SUPT6H: variants seen among roughly 807,000 people sequenced by gnomAD.
SUPT6H encodes the protein transcription elongation factor SPT6.
SUPT6H carries 11 observed loss-of-function variants against 222.3 expected under a neutral mutation model. The ratio of observed to expected loss-of-function variants is 0.05; its 90% CI spans 0.03 to 0.08. SUPT6H has a LOEUF of 0.08. SUPT6H is among the 10% of genes least tolerant of loss of function. SUPT6H has a pLI of 1.00. For synonymous variants in SUPT6H, 762 were observed against 801.2 expected (o/e 0.95, Z 0.83); for missense variants, 1,422 against 2,216.0 (o/e 0.64, Z 7.19).
At position 28,683,768 on chromosome 17, in the gene SUPT6H, A is replaced by G. The variant is rs1475769730; in HGVS notation, c.2181A>G (p.Lys727=). Residue 727 remains lysine, a synonymous_variant, in exon 17 of 37, where the codon AAA becomes AAG. Coordinates refer to ENST00000314616, the MANE Select transcript of SUPT6H (RefSeq NM_003170.5). ...LQQFLYVQMA[K]ELKNKLLAEA... is the part of the protein sequence containing the mutation. ...AGTTCCTCTATGTGCAGATGGCCAA[A>G]GAACTCAAGAACAAGCTGCTGGCTG... 6.2e-7 allele frequency: 1 copy of G among 1,614,084 alleles called. No homozygotes were observed. The highest frequency in any genetic ancestry group is 1.1e-5 in the South Asian group (1 of 91,074).
At chr17:28,693,000 CAAA>C (rs1249471749) in intron 27 of SUPT6H, among the ~76,000 whole-genome samples, 12 of 84,404 alleles carry the variant, frequency 1.4e-4, no homozygotes, top group Admixed American at 3.9e-4. Flanking sequence ...GACTCTGTCT[CAAA>C]AAAAAAAAAA....
chr17:28,668,151 C>A (rs1036001988), intron 1 of SUPT6H, among the ~76,000 whole-genome samples: 1 of 152,198 alleles, frequency 6.6e-6, no homozygotes, highest in Non-Finnish European at 1.5e-5. Flanking sequence ...GTGCTTCTGA[C>A]TAGAGAAACC....
chr17:28,701,555 C>T lies in SUPT6H; in HGVS notation c.5111C>T (p.Pro1704Leu). ...CTGACACCTCGGCCCTCCCCCAGCC[C>T]CATGATCGAAAGCACCCCCATGTCC... Reference protein sequence around the residue: ...QRLTPRPSPSPMIESTPMSIA... With the variant: ...QRLTPRPSPSLMIESTPMSIA... Residue 1704 changes from proline (P) to leucine (L), a missense_variant, in exon 37 of 37, where the codon CCC becomes CTC. Pro to Leu is a moderately conservative substitution (Grantham distance 98). This residue lies in a region of SUPT6H where 395 missense variants were observed against 580.6 expected (regional missense o/e 0.68). Coordinates refer to ENST00000314616, the MANE Select transcript of SUPT6H (RefSeq NM_003170.5). 1 of 1,614,154 alleles carries T rather than the reference C, an allele frequency of 6.2e-7. No homozygotes were observed. The highest frequency in any genetic ancestry group is 2.2e-5 in the East Asian group (1 of 44,884).
rs766900498 is a variant in SUPT6H, at chr17:28,701,027, C to A, written c.4893C>A (p.Thr1631=). Residue 1631 remains threonine, a synonymous_variant, in exon 36 of 37, where the codon ACC becomes ACA. Coordinates refer to ENST00000314616, the MANE Select transcript of SUPT6H (RefSeq NM_003170.5). ...YSYTTPSQPI[T]TPQYHQLQAS... is the part of the protein sequence containing the mutation. ...ACACGACCCCAAGCCAGCCCATCAC[C>A]ACCCCTCAGTACCACCAGCTCCAGG... The A allele has an allele frequency of 1.2e-6, 2 of 1,614,192 alleles. No individual in the cohort carries two copies. The highest frequency in any genetic ancestry group is 2.7e-5 in the African/African-American group (2 of 75,066).
At position 28,681,995 on chromosome 17, in the gene SUPT6H, C is replaced by T. The variant is rs774992566; in HGVS notation, c.1597+15C>T. On this transcript the variant is annotated intron_variant, in intron 13 of 36. Coordinates refer to ENST00000314616, the MANE Select transcript of SUPT6H (RefSeq NM_003170.5). ...TGCTGGGCTAGGTAAAAGCTAGCTG[C>T]TTTGGGATTTAGGCATTCTAGCCTG... 2.2e-5 allele frequency: 35 copies of T among 1,589,858 alleles called. 1 individual carries two copies. The South Asian group carries it at 3.6e-4, about 16-fold the overall frequency.
rs1035818775 is a variant in SUPT6H at position 28,688,038 on chromosome 17, T to C, written c.3007-53T>C. ...GGGTTTAATAGAGACTGGAACAGTCTGGGGAGGTGGGGCCTGCTTACTGCC... is the reference window on the plus strand; with the variant it reads ...GGGTTTAATAGAGACTGGAACAGTCCGGGGAGGTGGGGCCTGCTTACTGCC... On this transcript the variant is annotated intron_variant, in intron 23 of 36. Coordinates refer to ENST00000314616, the MANE Select transcript of SUPT6H (RefSeq NM_003170.5). This position sits in a 1 kb window ranked among gnomAD's most constrained non-coding sequence, Gnocchi z 4.3. 5.7e-5 allele frequency: 88 copies of C among 1,541,142 alleles called. No individual in the cohort carries two copies. Among genetic ancestry groups the C allele is most frequent in the Non-Finnish European group, 7.5e-5 (86 of 1,141,758 alleles).
At chr17:28,696,790 C>A in intron 29 of SUPT6H, 54 bp from the exon 30 acceptor site, 1 of 1,520,850 alleles carries the variant, frequency 6.6e-7, no homozygotes, top group Admixed American at 1.7e-5. Context: ...TGTCCTGTTG[C>A]TGCCAGCTCC....
intron 26 of SUPT6H, among the ~76,000 whole-genome samples, chr17:28,690,494 G>T (rs747866387): frequency 6.6e-6 from 1 of 152,220 alleles, no homozygotes; most frequent in African/African-American, 2.4e-5. Context: ...CAGGGGAACG[G>T]CCAGGCACAG....
chr17:28,686,299 A>G (rs1234355668), intron 19 of SUPT6H, 40 bp from the exon 20 acceptor site: 1 of 1,574,402 alleles, frequency 6.4e-7, no homozygotes, highest in African/African-American at 1.4e-5. Flanking sequence ...AAATCTTTAC[A>G]TCCTCAGAGC....
In SUPT6H at chr17:28,687,381, T is replaced by C. The variant is rs1389379570; in HGVS notation, c.2916T>C (p.Asp972=). 3 of 1,614,090 alleles carry C rather than the reference T, an allele frequency of 1.9e-6. No homozygotes were observed. Among genetic ancestry groups the C allele is most frequent in the Admixed American group, 1.7e-5 (1 of 60,000 alleles). The change falls in exon 23 of 37, where the codon GAT becomes GAC. Residue 972 remains aspartate (D), a synonymous_variant. Coordinates refer to ENST00000314616, the MANE Select transcript of SUPT6H (RefSeq NM_003170.5). ...FINRVNEVGV[D]VNRAIAHPYS... is the part of the protein sequence containing the mutation. ...ACCGAGTCAATGAGGTCGGGGTCGA[T>C]GTCAACCGTGCCATTGCCCACCCTT...
chr17:28,685,665 G>T (rs1243545472), intron 19 of SUPT6H, among the ~76,000 whole-genome samples: 1 of 152,048 alleles, frequency 6.6e-6, no homozygotes, highest in African/African-American at 2.4e-5. Flanking sequence ...TGTATTTTTT[G>T]TAGAGACACG....
chr17:28,686,639 C>T lies in SUPT6H; in HGVS notation c.2565-15C>T, dbSNP rs2031394036. ...CTAAGAAAACATATTCATTGACCAACACTCATCCCACCAGGGACGCCCAGA... is the reference window on the plus strand; with the variant it reads ...CTAAGAAAACATATTCATTGACCAATACTCATCCCACCAGGGACGCCCAGA... On this transcript the variant is annotated splice_polypyrimidine_tract_variant and intron_variant, in intron 20 of 36. Transcript: ENST00000314616. The T allele has an allele frequency of 1.3e-6, 2 of 1,581,164 alleles. No individual in the cohort carries two copies. Among genetic ancestry groups the T allele is most frequent in the Non-Finnish European group, 1.7e-6 (2 of 1,165,620 alleles).
In SUPT6H at chr17:28,683,667, T is replaced by C. The variant is rs2031235527; in HGVS notation, c.2080T>C (p.Tyr694His). Reference protein sequence around the residue: ...TYFEEIKQFYYRDEFSHQVQE... With the variant: ...TYFEEIKQFYHRDEFSHQVQE... ...TTTTGAGGAGATAAAACAGTTTTAC[T>C]ACCGAGATGAGTTCAGCCACCAGGT... Residue 694 changes from tyrosine (Y) to histidine (H), a missense_variant, in exon 17 of 37, where the codon TAC (tyrosine) becomes CAC (histidine). By Grantham distance (83) the Tyr-to-His change is moderately conservative (BLOSUM62 2). Coordinates refer to ENST00000314616, the MANE Select transcript of SUPT6H (RefSeq NM_003170.5). The C allele has an allele frequency of 1.9e-6, 3 of 1,614,002 alleles. No individual in the cohort carries two copies. The highest frequency in any genetic ancestry group is 3.3e-5 in the Admixed American group (2 of 59,984).
chr17:28,693,946 G>A (rs768686329), intron 28 of SUPT6H, 110 bp downstream of exon 28: 1 of 1,430,116 alleles, frequency 7.0e-7, no homozygotes, highest in Non-Finnish European at 9.6e-7. Context: ...CCCAGTGGCT[G>A]CTGGTGGGAA....
rs1170106884 is a variant in SUPT6H, at chr17:28,677,813, C to G, written c.996C>G (p.Leu332=). 6.2e-7 allele frequency: 1 copy of G among 1,613,426 alleles called. No homozygotes were observed. The highest frequency in any genetic ancestry group is 2.2e-5 in the East Asian group (1 of 44,878). Residue 332 remains leucine (L), a synonymous_variant, in exon 8 of 37, where the codon CTC becomes CTG. Coordinates refer to ENST00000314616, the MANE Select transcript of SUPT6H (RefSeq NM_003170.5). ...CTTTTGCCACACCAACCATTTCTCT[C>G]CAGGTACACAAAAAAGATCCTTAGG... ...RNAFATPTIS[L]QESCDYLDRG... is the part of the protein sequence containing the mutation.
Position 28,695,411 on chromosome 17 carries a change from C to T in SUPT6H, c.3834C>T (p.Asp1278=), listed in dbSNP as rs1225009910. The change falls in exon 29 of 37, where the codon GAC becomes GAT. Residue 1278 remains aspartate (D), a synonymous_variant. Transcript: ENST00000314616. The part of the protein sequence containing the change: ...MKIDIEKFSA[D]LTCRTSDLMD... ...TTGACATTGAGAAGTTCAGTGCAGA[C>T]CTGACCTGCCGCACCTCAGACCTCA... 2.5e-6 allele frequency: 4 copies of T among 1,613,988 alleles called. No homozygotes were observed. The highest frequency in any genetic ancestry group is 3.4e-6 in the Non-Finnish European group (4 of 1,180,026).
At position 28,701,448 on chromosome 17, in the gene SUPT6H, C is replaced by T; in HGVS notation, c.5004C>T (p.Ser1668=). The T allele has an allele frequency of 6.2e-7, 1 of 1,613,970 alleles. No individual in the cohort carries two copies. The highest frequency in any genetic ancestry group is 8.5e-7 in the Non-Finnish European group (1 of 1,179,912). ...RQRQQQPKSN[S]HAAIDWGKMA... is the part of the protein sequence containing the mutation. ...TTTCTTCCCCTCCCAGGTCCAACAG[C>T]CATGCAGCCATCGACTGGGGAAAAA... Residue 1668 remains serine, a synonymous_variant, in exon 37 of 37, where the codon AGC becomes AGT. Coordinates refer to ENST00000314616, the MANE Select transcript of SUPT6H (RefSeq NM_003170.5).
chr17:28,677,964 A>G (rs1597696588), intron 8 of SUPT6H, 112 bp from the exon 9 acceptor site: 1 of 1,363,632 alleles, frequency 7.3e-7, no homozygotes, highest in East Asian at 2.3e-5. Context: ...GTATATGAGA[A>G]AAATTTTTTA....
chr17:28,672,417 T>C (rs2030473813), intron 1 of SUPT6H, among the ~76,000 whole-genome samples: 2 of 152,110 alleles, frequency 1.3e-5, no homozygotes, highest in Admixed American at 1.3e-4. Context: ...CTTTTCTTTT[T>C]TTTTCTTTTT....
Sources: gnomAD v4.1 joint callset for allele counts (sites outside exome capture counted in the v4.1 genomes callset) on GRCh38, gnomAD v4.1.1 for gene constraint, gnomAD v4.1.1 regional missense constraint, Gnocchi (gnomAD v3.1) non-coding constraint, MANE v1.5 for transcripts, NCBI Gene and HGNC (gene_info 2026-07-23, HGNC 2026-07-21) for gene names.